Variants in CFAP299 observed in about 807,000 individuals in gnomAD.
CFAP299 encodes cilia- and flagella-associated protein 299.
CFAP299 carries 21 observed loss-of-function variants against 27.0 expected under a neutral mutation model. That is an observed-to-expected ratio of 0.78 (90% CI 0.55 to 1.12). CFAP299 has a LOEUF of 1.12. CFAP299 is among the 50% of genes most tolerant of loss of function. The pLI is 0.00. For synonymous variants in CFAP299, 104 were observed against 98.1 expected (o/e 1.06, Z -0.36); for missense variants, 310 against 276.6 (o/e 1.12, Z -0.86).
intron 3 of CFAP299, among the ~76,000 whole-genome samples, chr4:80,649,841 T>C (rs886386430): frequency 6.6e-6 from 1 of 152,148 alleles, no homozygotes; most frequent in Non-Finnish European, 1.5e-5. Context: ...TGTTGTCATG[T>C]TTCAGTTTTA....
chr4:80,844,916 T>G (rs890028058), intron 3 of CFAP299, among the ~76,000 whole-genome samples: 3 of 152,200 alleles, frequency 2.0e-5, no homozygotes, highest in Non-Finnish European at 4.4e-5. Context: ...TAATCCATCT[T>G]GAATTAATTT....
chr4:80,804,771 T>C (rs529282837), intron 3 of CFAP299, among the ~76,000 whole-genome samples: 1 of 152,302 alleles, frequency 6.6e-6, no homozygotes, highest in East Asian at 1.9e-4. Flanking sequence ...TCTTCGGATC[T>C]AAAATGAGTT....
At chr4:80,711,367 G>C (rs1206064397) in intron 3 of CFAP299, among the ~76,000 whole-genome samples, 1 of 152,208 alleles carries the variant, frequency 6.6e-6, no homozygotes, top group Non-Finnish European at 1.5e-5. Context: ...GACAGTGTGA[G>C]AGAGCTAGTG....
intron 3 of CFAP299, among the ~76,000 whole-genome samples, chr4:80,692,403 T>C (rs1015515690): frequency 6.6e-6 from 1 of 152,140 alleles, no homozygotes; most frequent in Non-Finnish European, 1.5e-5. Flanking sequence ...TATCTACAAC[T>C]ATCTGATCTT....
intron 3 of CFAP299, among the ~76,000 whole-genome samples, chr4:80,684,995 T>C (rs1720093858): frequency 6.6e-6 from 1 of 152,214 alleles, no homozygotes; most frequent in African/African-American, 2.4e-5. Flanking sequence ...ATAATGTATG[T>C]ATTATTTTCT....
chr4:80,384,361 A>G (rs1218823289), intron 2 of CFAP299, among the ~76,000 whole-genome samples: 1 of 152,182 alleles, frequency 6.6e-6, no homozygotes, highest in Non-Finnish European at 1.5e-5. Context: ...TTTCTATATT[A>G]TTCATAAATA....
intron 3 of CFAP299, among the ~76,000 whole-genome samples, chr4:80,689,883 G>A (rs1578022327): frequency 6.6e-6 from 1 of 151,860 alleles, no homozygotes. Flanking sequence ...AAAAGGCAGG[G>A]GTTGCAATCC....
intron 3 of CFAP299, among the ~76,000 whole-genome samples, chr4:80,765,271 T>A (rs1342354417): frequency 6.6e-6 from 1 of 152,178 alleles, no homozygotes; most frequent in Admixed American, 6.5e-5. Flanking sequence ...ATTGTACTCA[T>A]GTCTTCCAGG....
intron 4 of CFAP299, among the ~76,000 whole-genome samples, chr4:80,924,540 A>C (rs3038567): frequency 4.3e-5 from 4 of 94,110 alleles, no homozygotes; most frequent in African/African-American, 7.9e-5. Flanking sequence ...GTGTGTGTGT[A>C]TATATATATA....
intron 4 of CFAP299, chr4:80,873,040 C>A (rs1161666169): frequency 9.2e-6 from 9 of 977,410 alleles, no homozygotes; most frequent in Non-Finnish European, 1.1e-5. Context: ...TAAACCCCAT[C>A]CTTTTTGGAA....
Position 80,623,120 on chromosome 4 carries a change from G to A in CFAP299, c.333+39937G>A, listed in dbSNP as rs570719191. On this transcript the variant is annotated intron_variant, in intron 3 of 5. Coordinates refer to ENST00000358105, the MANE Select transcript of CFAP299 (RefSeq NM_152770.3). ...CTTCTGTTCTACACTCAATTTATTA[G>A]TAGGGTAAGTAGAAACAACTCAACA... Among the ~76,000 whole-genome samples the A allele has an allele frequency of 2.0e-3, 312 of 152,216 alleles. 2 individuals are homozygous for A. The highest frequency in any genetic ancestry group is 1.8e-3 in the Non-Finnish European group (124 of 68,016).
chr4:80,404,769 G>C (rs1046126479), intron 2 of CFAP299, among the ~76,000 whole-genome samples: 3 of 152,152 alleles, frequency 2.0e-5, no homozygotes, highest in Non-Finnish European at 4.4e-5. Flanking sequence ...TTCTTTGAGA[G>C]CATGCTTTCA....
At chr4:80,578,639 G>A (rs910656646) in intron 2 of CFAP299, among the ~76,000 whole-genome samples, 1 of 152,152 alleles carries the variant, frequency 6.6e-6, no homozygotes, top group African/African-American at 2.4e-5. Context: ...GCTGGTTAAT[G>A]ATACAGTATG....
chr4:80,479,434 AATG>A (rs1730445390), intron 2 of CFAP299, among the ~76,000 whole-genome samples: 1 of 152,010 alleles, frequency 6.6e-6, no homozygotes, highest in African/African-American at 2.4e-5. Flanking sequence ...AGCTTTGGGA[AATG>A]ATGGTTAAAG....
chr4:80,523,729 A>G (rs564010555), intron 2 of CFAP299, among the ~76,000 whole-genome samples: 2 of 152,272 alleles, frequency 1.3e-5, no homozygotes, highest in African/African-American at 4.8e-5. Flanking sequence ...GACTATGACT[A>G]CGTCACTGGC....
intron 2 of CFAP299, among the ~76,000 whole-genome samples, chr4:80,543,689 G>C (rs989424715): frequency 2.0e-5 from 3 of 152,224 alleles, no homozygotes; most frequent in African/African-American, 7.2e-5. Flanking sequence ...GAATATTGGA[G>C]TTATGTAAAG....
At chr4:80,573,773 G>A (rs1735713294) in intron 2 of CFAP299, among the ~76,000 whole-genome samples, 1 of 152,036 alleles carries the variant, frequency 6.6e-6, no homozygotes, top group Non-Finnish European at 1.5e-5. Context: ...CACTTGTGGT[G>A]TATGAATTTG....
chr4:80,758,823 A>G (rs1455138855), intron 3 of CFAP299, among the ~76,000 whole-genome samples: 1 of 152,186 alleles, frequency 6.6e-6, no homozygotes, highest in African/African-American at 2.4e-5. Flanking sequence ...AGAATATTAT[A>G]TATCAAAGAT....
chr4:80,339,111 C>T (rs1722309562), intron 1 of CFAP299, among the ~76,000 whole-genome samples: 1 of 152,126 alleles, frequency 6.6e-6, no homozygotes, highest in Non-Finnish European at 1.5e-5. Flanking sequence ...AGCTACCTTC[C>T]TTAGGTTTGG....
Sources: gnomAD v4.1 joint callset for allele counts (sites outside exome capture counted in the v4.1 genomes callset) on GRCh38, gnomAD v4.1.1 for gene constraint, MANE v1.5 for transcripts, NCBI Gene and HGNC (gene_info 2026-07-23, HGNC 2026-07-21) for gene names.